ABCG1: variants seen among roughly 807,000 people sequenced by gnomAD.
ABCG1 encodes the protein ATP-binding cassette sub-family G member 1.
A neutral mutation model predicts 69.2 loss-of-function variants in ABCG1; 29 were observed. The observed-to-expected ratio is 0.42, with a 90% CI of 0.31 to 0.57. ABCG1 has a LOEUF of 0.57. ABCG1 is among the 20% of genes least tolerant of loss of function. The pLI is 0.15. For missense variants in ABCG1, 718 were observed against 898.1 expected (o/e 0.80, Z 2.56); for synonymous variants, 370 against 374.8 (o/e 0.99, Z 0.15).
At chr21:42,294,739 A>C in intron 14 of ABCG1, 79 bp downstream of exon 14, 72 of 1,289,254 alleles carry the variant, frequency 5.6e-5, no homozygotes, top group Non-Finnish European at 6.9e-5. Context: ...TGAGGGGCTC[A>C]CAAAAGCCAC....
intron 1 of ABCG1, among the ~76,000 whole-genome samples, chr21:42,220,300 A>C (rs767829009): frequency 6.6e-6 from 1 of 152,136 alleles, no homozygotes; most frequent in Non-Finnish European, 1.5e-5. Flanking sequence ...CCCACAGTGC[A>C]TGGCACGCTC....
chr21:42,217,179 C>T (rs553711549), upstream of ABCG1, among the ~76,000 whole-genome samples: 45 of 152,220 alleles, frequency 3.0e-4, no homozygotes, highest in South Asian at 1.0e-3. Flanking sequence ...TGCCTATTCT[C>T]GAGCTGAAGG....
At chr21:42,283,228 G>T (rs1245497363) in intron 6 of ABCG1, among the ~76,000 whole-genome samples, 1 of 152,200 alleles carries the variant, frequency 6.6e-6, no homozygotes, top group Non-Finnish European at 1.5e-5. Context: ...GGATGGCGGG[G>T]CTCACTTGTT....
intron 13 of ABCG1, among the ~76,000 whole-genome samples, chr21:42,293,103 G>C (rs373006145): frequency 0.078 from 705 of 8,998 alleles, no homozygotes; most frequent in African/African-American, 0.085. Flanking sequence ...ACCACACACG[G>C]TACACACCAC....
intron 2 of ABCG1, among the ~76,000 whole-genome samples, chr21:42,230,742 C>T (rs927933106): frequency 1.3e-5 from 2 of 152,214 alleles, no homozygotes; most frequent in Non-Finnish European, 2.9e-5. Context: ...CACTGCCCAT[C>T]CCCCAGGAGA....
Position 42,296,438 on chromosome 21 carries a change from G to A in ABCG1, c.*46G>A. Reference sequence around the variant, plus strand: ...CAGGAAGATTAGACACTGTGGCCGAGGGCACGTCTAGAATCGAGGAGGCAA... The same window carrying A: ...CAGGAAGATTAGACACTGTGGCCGAAGGCACGTCTAGAATCGAGGAGGCAA... On this transcript the variant is annotated 3_prime_UTR_variant, in exon 15 of 15. Coordinates refer to ENST00000398449, the MANE Select transcript of ABCG1 (RefSeq NM_016818.3). This position sits in a 1 kb window ranked among gnomAD's most constrained non-coding sequence, Gnocchi z 5.4. The A allele has an allele frequency of 6.4e-7, 1 of 1,552,928 alleles. No individual in the cohort carries two copies. Among genetic ancestry groups the A allele is most frequent in the South Asian group, 1.1e-5 (1 of 89,122 alleles).
chr21:42,267,114 G>C (rs780791858), intron 2 of ABCG1, among the ~76,000 whole-genome samples: 2 of 152,240 alleles, frequency 1.3e-5, no homozygotes, highest in Non-Finnish European at 2.9e-5. Flanking sequence ...TTGGTGCAGG[G>C]AAAGGGGGAA....
upstream of ABCG1, among the ~76,000 whole-genome samples, chr21:42,214,842 C>A (rs1274532315): frequency 1.3e-5 from 2 of 152,224 alleles, no homozygotes; most frequent in African/African-American, 4.8e-5. Flanking sequence ...GGAAAAAAAT[C>A]CCATAAGCTG....
At chr21:42,282,179 G>T in intron 5 of ABCG1, 95 bp from the exon 6 acceptor site, 2 of 1,525,488 alleles carry the variant, frequency 1.3e-6, no homozygotes, top group Non-Finnish European at 8.9e-7. Context: ...GTGTCCAGCA[G>T]GCTGAGGGCG....
intron 2 of ABCG1, among the ~76,000 whole-genome samples, chr21:42,246,692 G>T (rs570588447): frequency 6.6e-6 from 1 of 152,186 alleles, no homozygotes; most frequent in African/African-American, 2.4e-5. Context: ...GTCAGGAAAA[G>T]ACCTTAAAGA....
At position 42,290,053 on chromosome 21, in the gene ABCG1, C is replaced by G; in HGVS notation, c.1228C>G (p.Leu410Val). The G allele has an allele frequency of 6.2e-7, 1 of 1,614,232 alleles. No individual in the cohort carries two copies. Among genetic ancestry groups the G allele is most frequent in the South Asian group, 1.1e-5 (1 of 91,084 alleles). The change falls in exon 11 of 15, where the codon CTG (leucine) becomes GTG (valine). Residue 410 changes from leucine to valine, a missense_variant. Transcript: ENST00000398449. Reference sequence around the variant, plus strand: ...TAAGATGCGGGTCTGTCCCCAGGTCCTGACACACCTGCGCATCACCTCGCA... The same window carrying G: ...TAAGATGCGGGTCTGTCCCCAGGTCGTGACACACCTGCGCATCACCTCGCA... ...TFLSIMRDSV[L>V]THLRITSHIG...
At chr21:42,270,369 A>C (rs2068594756) in intron 2 of ABCG1, among the ~76,000 whole-genome samples, 1 of 152,028 alleles carries the variant, frequency 6.6e-6, no homozygotes, top group Non-Finnish European at 1.5e-5. Flanking sequence ...ATTTGAAAAA[A>C]AATTAATGTG....
chr21:42,282,442 G>A (rs1025780307), intron 6 of ABCG1, 23 bp downstream of exon 6: 1 of 1,598,976 alleles, frequency 6.3e-7, no homozygotes, highest in Non-Finnish European at 8.6e-7. Context: ...CATCTGAGCT[G>A]GTGTCCAGGG....
chr21:42,256,221 A>G, intron 2 of ABCG1: 2 of 1,450,998 alleles, frequency 1.4e-6, no homozygotes, highest in Non-Finnish European at 1.8e-6. Flanking sequence ...GTGGTTTCCC[A>G]TACAAGAAAG....
chr21:42,221,131 T>A (rs1397151556), intron 1 of ABCG1: 1 of 152,162 alleles, frequency 6.6e-6, no homozygotes, highest in African/African-American at 2.4e-5. Flanking sequence ...TTTTCCTCTC[T>A]GAAAACTGGG....
At chr21:42,206,032 T>C (rs2067540054) in intron 2 of ABCG1, among the ~76,000 whole-genome samples, 1 of 152,240 alleles carries the variant, frequency 6.6e-6, no homozygotes, top group Non-Finnish European at 1.5e-5. Context: ...CTTCCTGTTA[T>C]TGATTTCTAA....
rs116981542 is a variant in ABCG1, at chr21:42,239,194, C to T, written c.286+13280C>T. Among the ~76,000 whole-genome samples, 677 of 152,238 alleles carry T rather than the reference C, an allele frequency of 4.4e-3. 3 individuals are homozygous for T. Among genetic ancestry groups the T allele is most frequent in the South Asian group, 0.02 (96 of 4,824 alleles). The stretch of plus-strand genomic sequence containing the variant: ...AGAGAGTCTGGGTTCAGAATTGGCT[C>T]CACCGCCTACTAGCAGGGCAACTGG... On this transcript the variant is annotated intron_variant, in intron 2 of 14. Coordinates refer to ENST00000398449, the MANE Select transcript of ABCG1 (RefSeq NM_016818.3).
Position 42,296,538 on chromosome 21 carries a change from G to A in ABCG1, c.*146G>A, listed in dbSNP as rs143772364. 266 of 688,262 alleles carry A rather than the reference G, an allele frequency of 3.9e-4. 2 individuals carry two copies. The East Asian group carries it at 5.2e-3, about 14-fold the overall frequency. 42.6% of individuals were successfully genotyped at this position (688,262 alleles called of 1,614,324 possible). ...ACCGCGTTGGGTTTGTGGGTGTCTC[G>A]TGCTCAGCCACTCTGCCCAGCTGGG... is the stretch of plus-strand genomic sequence containing the variant. On this transcript the variant is annotated 3_prime_UTR_variant, in exon 15 of 15. Coordinates refer to ENST00000398449, the MANE Select transcript of ABCG1 (RefSeq NM_016818.3). This position sits in a 1 kb window ranked among gnomAD's most constrained non-coding sequence, Gnocchi z 5.4.
upstream of ABCG1, among the ~76,000 whole-genome samples, chr21:42,211,455 C>T (rs1336511136): frequency 6.6e-6 from 1 of 152,102 alleles, no homozygotes; most frequent in Non-Finnish European, 1.5e-5. Flanking sequence ...CTTTCCCTTC[C>T]TCCTTCCTTC....
Sources: allele counts gnomAD v4.1 joint callset (sites outside exome capture counted in the v4.1 genomes callset), GRCh38; gene constraint gnomAD v4.1.1; non-coding constraint Gnocchi (gnomAD v3.1); transcripts MANE v1.5; gene names NCBI Gene and HGNC (gene_info 2026-07-23, HGNC 2026-07-21).